The following EXD3 variants were observed in gnomAD, a reference collection of about 807,000 sequenced individuals.
EXD3 encodes exonuclease 3'-5' domain containing 3.
A neutral mutation model predicts 98.0 loss-of-function variants in EXD3; 92 were observed. That is an observed-to-expected ratio of 0.94 (90% CI 0.79 to 1.12). The LOEUF (loss-of-function observed/expected upper bound fraction) is 1.12, where lower values mean the gene tolerates loss of function less well. Among genes scored for constraint, EXD3 ranks in the 50% most tolerant of loss-of-function variants. The pLI is 0.00. For synonymous variants in EXD3, 569 were observed against 526.0 expected (o/e 1.08, Z -1.12); for missense variants, 1,222 against 1,191.6 (o/e 1.03, Z -0.38).
rs192333179 is a variant in EXD3 at position 137,371,354 on chromosome 9, G to A, written c.462+1551C>T. ...CCGCCGCGAGACGACGGCCCCGGGC[G>A]TGGCAGGTGACAGCGCCAGGGGTGG... On this transcript the variant is annotated intron_variant, in intron 5 of 21. Transcript: ENST00000340951. The surrounding 1 kb of genome is among the most constrained non-coding windows in gnomAD (Gnocchi z 8.0). Among the ~76,000 whole-genome samples the A allele has an allele frequency of 4.5e-3, 681 of 152,248 alleles. 16 individuals are homozygous for A. Among genetic ancestry groups the A allele is most frequent in the Admixed American group, 0.042 (643 of 15,306 alleles).
At chr9:137,411,114 TAGC>T (rs1274966677) in intron 1 of EXD3, among the ~76,000 whole-genome samples, 3 of 152,082 alleles carry the variant, frequency 2.0e-5, no homozygotes, top group Non-Finnish European at 4.4e-5. Flanking sequence ...GCAGAACCTG[TAGC>T]AGATTCCGGC....
chr9:137,354,086 G>A (rs1032194253), intron 10 of EXD3: 3 of 1,248,866 alleles, frequency 2.4e-6, no homozygotes, highest in Non-Finnish European at 3.0e-6. Context: ...GGTTCGGGTG[G>A]CACGGACGCT....
At chr9:137,383,929 G>A (rs529849906) in intron 2 of EXD3, among the ~76,000 whole-genome samples, 37 of 152,326 alleles carry the variant, frequency 2.4e-4, no homozygotes, top group Non-Finnish European at 4.6e-4. Flanking sequence ...CCACCAGAGC[G>A]AGACCCGAGG....
intron 7 of EXD3, among the ~76,000 whole-genome samples, chr9:137,361,724 C>T (rs543568968): frequency 2.0e-4 from 26 of 131,950 alleles, no homozygotes; most frequent in African/African-American, 3.7e-4. Flanking sequence ...CTAGCCTGGG[C>T]GACAGGGCGA....
intron 1 of EXD3, among the ~76,000 whole-genome samples, chr9:137,411,194 G>A (rs1269076397): frequency 6.6e-6 from 1 of 152,210 alleles, no homozygotes; most frequent in Non-Finnish European, 1.5e-5. Context: ...AGTAGATGAT[G>A]CCGAATGGAG....
chr9:137,337,372 G>C (rs919236296), intron 17 of EXD3, among the ~76,000 whole-genome samples: 4 of 152,152 alleles, frequency 2.6e-5, no homozygotes, highest in Non-Finnish European at 4.4e-5. Flanking sequence ...GATGATTTAG[G>C]CTGGGTGCGG....
chr9:137,337,424 G>A (rs535310782), intron 17 of EXD3, among the ~76,000 whole-genome samples: 66 of 152,156 alleles, frequency 4.3e-4, no homozygotes, highest in African/African-American at 1.4e-3. Flanking sequence ...AGGCCAAGGC[G>A]GGCGGATCAC....
intron 17 of EXD3, among the ~76,000 whole-genome samples, chr9:137,325,622 G>A (rs1194608836): frequency 6.6e-6 from 1 of 151,968 alleles, no homozygotes; most frequent in Non-Finnish European, 1.5e-5. Flanking sequence ...TAGTAGAGAC[G>A]GGGTTTCTCC....
At chr9:137,367,167 C>T (rs916073014) in intron 6 of EXD3, among the ~76,000 whole-genome samples, 1 of 152,182 alleles carries the variant, frequency 6.6e-6, no homozygotes, top group African/African-American at 2.4e-5. Flanking sequence ...CCTCCTCTGC[C>T]CCACAGGTGA....
intron 19 of EXD3, among the ~76,000 whole-genome samples, chr9:137,310,684 G>C (rs868654969): frequency 6.6e-6 from 1 of 152,184 alleles, no homozygotes; most frequent in African/African-American, 2.4e-5. Context: ...ACAAAGAGAC[G>C]GGTCAGATAC....
At chr9:137,368,829 G>A (rs1401357790) in intron 5 of EXD3, among the ~76,000 whole-genome samples, 1 of 151,842 alleles carries the variant, frequency 6.6e-6, no homozygotes, top group East Asian at 1.9e-4. Flanking sequence ...CCTCCACCAG[G>A]CCCATGGGGC....
At chr9:137,392,954 C>A in intron 2 of EXD3, 1 of 564,774 alleles carries the variant, frequency 1.8e-6, no homozygotes, top group Non-Finnish European at 3.2e-6. Context: ...CATTAGTGTT[C>A]CAGGGGGTGC....
intron 17 of EXD3, among the ~76,000 whole-genome samples, chr9:137,335,488 G>T (rs1468325414): frequency 2.0e-5 from 3 of 152,110 alleles, no homozygotes; most frequent in Non-Finnish European, 4.4e-5. Flanking sequence ...AGACCAGCCT[G>T]CCCAACAAGG....
intron 17 of EXD3, among the ~76,000 whole-genome samples, chr9:137,328,584 A>G (rs1457526672): frequency 9.8e-5 from 2 of 20,384 alleles, no homozygotes; most frequent in African/African-American, 2.1e-4. Flanking sequence ...CACAGGAGCT[A>G]CACGGGACTA....
At chr9:137,391,490 C>T (rs1441170460) in intron 2 of EXD3, among the ~76,000 whole-genome samples, 3 of 152,176 alleles carry the variant, frequency 2.0e-5, no homozygotes, top group Admixed American at 6.5e-5. Context: ...GGAGGAGCGG[C>T]GGATGTGGAG....
At position 137,349,081 on chromosome 9, in the gene EXD3, A is replaced by C; in HGVS notation, c.1830+29T>G. 6.4e-7 allele frequency: 1 copy of C among 1,555,244 alleles called. No homozygotes were observed. Among genetic ancestry groups the C allele is most frequent in the East Asian group, 2.3e-5 (1 of 44,216 alleles). On this transcript the variant is annotated intron_variant, in intron 16 of 21. Transcript: ENST00000340951. The surrounding 1 kb of genome is among the most constrained non-coding windows in gnomAD (Gnocchi z 7.4). ...GGGATCTCCTTCCCCAAGAATGCTG[A>C]CAAACGGACCCTGCGGGGCTTCACC...
chr9:137,319,151 C>T (rs1027106450), intron 19 of EXD3, among the ~76,000 whole-genome samples: 4 of 152,260 alleles, frequency 2.6e-5, no homozygotes, highest in African/African-American at 9.6e-5. Flanking sequence ...CCGTGGGCAG[C>T]TCCAGGGCGG....
intron 1 of EXD3, among the ~76,000 whole-genome samples, chr9:137,421,720 C>T (rs750516708): frequency 2.0e-5 from 3 of 152,158 alleles, no homozygotes; most frequent in Non-Finnish European, 4.4e-5. Context: ...CACCTGTATT[C>T]CCAGGTACTC....
Position 137,324,220 on chromosome 9 carries a change from C to G in EXD3, c.1999-77G>C, listed in dbSNP as rs931890939. On this transcript the variant is annotated intron_variant, in intron 17 of 21. Coordinates refer to ENST00000340951, the MANE Select transcript of EXD3 (RefSeq NM_017820.5). The surrounding 1 kb of genome is among the most constrained non-coding windows in gnomAD (Gnocchi z 4.1). The stretch of plus-strand genomic sequence containing the variant: ...ACTGGGCCACCTCTGCTCGCCACCC[C>G]CTAGCTCCCCGGATCGTGGCCCTGC... 11 of 1,285,704 alleles carry G rather than the reference C, an allele frequency of 8.6e-6. No homozygotes were observed. In the East Asian group the frequency reaches 1.0e-4, roughly 12 times the overall value. 79.6% of individuals were successfully genotyped at this position (1,285,704 alleles called of 1,614,324 possible).
Sources: allele counts gnomAD v4.1 joint callset (sites outside exome capture counted in the v4.1 genomes callset), GRCh38; gene constraint gnomAD v4.1.1; non-coding constraint Gnocchi (gnomAD v3.1); transcripts MANE v1.5; gene names NCBI Gene and HGNC (gene_info 2026-07-23, HGNC 2026-07-21).